MGST2: variants seen among roughly 807,000 people sequenced by gnomAD.
MGST2 encodes the protein glutathione peroxidase MGST2.
Under a neutral mutation model 16.6 loss-of-function variants are expected in MGST2, and 9 were observed. The ratio of observed to expected loss-of-function variants is 0.54; its 90% CI spans 0.33 to 0.95. MGST2 has a LOEUF of 0.95. MGST2 is among the 40% of genes least tolerant of loss of function. The probability of loss-of-function intolerance (pLI) is 0.03; values close to 1 mark genes in which losing one functional copy is unlikely to be tolerated. For synonymous variants in MGST2, 79 were observed against 68.0 expected (o/e 1.16, Z -0.79); for missense variants, 159 against 175.1 (o/e 0.91, Z 0.52).
chr4:139,753,979 A>G, the MGST2 span, among the ~76,000 whole-genome samples: 1 of 151,834 alleles, frequency 6.6e-6, no homozygotes, highest in Non-Finnish European at 1.5e-5. Flanking sequence ...TTAATGAAAA[A>G]CCTCTTTGCC....
At chr4:139,694,591 T>C in intron 2 of MGST2, among the ~76,000 whole-genome samples, 1 of 152,190 alleles carries the variant, frequency 6.6e-6, no homozygotes, top group Non-Finnish European at 1.5e-5. Flanking sequence ...TGTCAGATTT[T>C]CCATCCACGT....
chr4:139,716,673 A>AATT (rs1473645447), intron 5 of MGST2: 1 of 152,642 alleles, frequency 6.6e-6, no homozygotes, highest in Non-Finnish European at 1.5e-5. Flanking sequence ...AACTGCAGTT[A>AATT]ATTAAAACCC....
intron 5 of MGST2, chr4:139,730,184 C>G: frequency 1.7e-6 from 1 of 580,808 alleles, no homozygotes; most frequent in South Asian, 2.1e-5. Flanking sequence ...GCACACAGGC[C>G]TTCAAATTGA....
At chr4:139,698,324 C>T in intron 3 of MGST2, 7 of 1,540,310 alleles carry the variant, frequency 4.5e-6, no homozygotes, top group Admixed American at 1.7e-5. Context: ...TTTTAAAGTC[C>T]TGAGCAATTT....
Position 139,686,447 on chromosome 4 carries a change from GAAACAGCCTCTCAGGTT to G in MGST2, c.158+7809_158+7825del, listed in dbSNP as rs943314388. On this transcript the variant is annotated intron_variant, in intron 2 of 4. Transcript: ENST00000265498. ...TGACTCTCACTTTCCATCATGGCCT[GAAACAGCCTCTCAGGTT>G]AAATTTTTAAAAGAGCCCTGGCTGA... 3.3e-5 allele frequency among the ~76,000 whole-genome samples: 5 copies of G among 152,204 alleles called. 1 individual carries two copies. Among genetic ancestry groups the G allele is most frequent in the Admixed American group, 1.3e-4 (2 of 15,282 alleles).
chr4:139,676,907 A>C (rs554840815), intron 1 of MGST2, among the ~76,000 whole-genome samples: 15 of 152,350 alleles, frequency 9.8e-5, no homozygotes, highest in African/African-American at 3.1e-4. Flanking sequence ...CCATGAATGC[A>C]GCAAGGCCTT....
chr4:139,680,062 A>G (rs1731157733), intron 2 of MGST2, among the ~76,000 whole-genome samples: 1 of 152,170 alleles, frequency 6.6e-6, no homozygotes, highest in African/African-American at 2.4e-5. Context: ...CTGTATTTCT[A>G]AACATTATAC....
At chr4:139,720,980 C>T (rs865859492) in intron 5 of MGST2, among the ~76,000 whole-genome samples, 4 of 152,242 alleles carry the variant, frequency 2.6e-5, no homozygotes, top group African/African-American at 9.6e-5. Context: ...TTTTCGGATC[C>T]ACTCTGTAGA....
intron 2 of MGST2, among the ~76,000 whole-genome samples, chr4:139,690,665 G>A (rs4863674): frequency 2.0e-5 from 3 of 152,188 alleles, no homozygotes; most frequent in African/African-American, 7.2e-5. Flanking sequence ...GCAACTGTTA[G>A]AGCTATGCAA....
At chr4:139,730,914 T>C (rs1013885301) in intron 5 of MGST2, 3 of 563,602 alleles carry the variant, frequency 5.3e-6, no homozygotes, top group Admixed American at 6.0e-5. Context: ...AAGTCCAGTC[T>C]GTTTCGGATG....
At chr4:139,667,442 T>C (rs1213659381) in intron 1 of MGST2, among the ~76,000 whole-genome samples, 1 of 96,994 alleles carries the variant, frequency 1.0e-5, no homozygotes, top group Non-Finnish European at 1.9e-5. Flanking sequence ...TTGCTGCTTG[T>C]GCAGGGGGCT....
At chr4:139,742,347 C>G (rs1729197796), downstream of MGST2, among the ~76,000 whole-genome samples, 1 of 152,124 alleles carries the variant, frequency 6.6e-6, no homozygotes, top group African/African-American at 2.4e-5. Context: ...CAGGGTTTCA[C>G]CGTGTTGGCC....
At chr4:139,681,521 G>A (rs1402313457) in intron 2 of MGST2, among the ~76,000 whole-genome samples, 4 of 152,060 alleles carry the variant, frequency 2.6e-5, no homozygotes, top group Non-Finnish European at 5.9e-5. Context: ...TCTGAAATTT[G>A]AGATATCATA....
chr4:139,691,160 T>G (rs1726554940), intron 2 of MGST2, among the ~76,000 whole-genome samples: 1 of 152,168 alleles, frequency 6.6e-6, no homozygotes, highest in African/African-American at 2.4e-5. Flanking sequence ...GACAGCCTGT[T>G]TTTCCAGTAT....
chr4:139,725,850 C>T lies in MGST2; in HGVS notation c.*49-14362C>T, dbSNP rs1484667335. On this transcript the variant is annotated intron_variant, in intron 5 of 5. Coordinates refer to the MGST2 transcript ENST00000616265. Reference sequence around the variant, plus strand: ...TGCTGCAACTGCTAGAACAACAGAACACAAGAGGGGTGGAGAGGTGAGATA... The same window carrying T: ...TGCTGCAACTGCTAGAACAACAGAATACAAGAGGGGTGGAGAGGTGAGATA... 2.5e-6 allele frequency: 4 copies of T among 1,611,188 alleles called. No homozygotes were observed. In the South Asian group the frequency reaches 4.4e-5, roughly 18 times the overall value.
At chr4:139,731,951 G>A (rs953172395) in intron 5 of MGST2, among the ~76,000 whole-genome samples, 1 of 152,160 alleles carries the variant, frequency 6.6e-6, no homozygotes, top group Admixed American at 6.5e-5. Context: ...CCTAGCAGTG[G>A]CAAGTATGTT....
intron 5 of MGST2, chr4:139,730,265 A>T: frequency 1.4e-6 from 1 of 706,464 alleles, no homozygotes; most frequent in South Asian, 1.8e-5. Context: ...GAAAGGTCTA[A>T]ATTCTTCAGG....
At chr4:139,670,361 C>G (rs1730617791) in intron 1 of MGST2, among the ~76,000 whole-genome samples, 1 of 152,034 alleles carries the variant, frequency 6.6e-6, no homozygotes, top group South Asian at 2.1e-4. Flanking sequence ...AACACAAACC[C>G]AAGAAGCCTT....
chr4:139,694,093 G>C (rs1726776713), intron 2 of MGST2, among the ~76,000 whole-genome samples: 1 of 152,042 alleles, frequency 6.6e-6, no homozygotes, highest in African/African-American at 2.4e-5. Flanking sequence ...CCATGTAGTT[G>C]AGGCATAAGT....
Sources: gnomAD v4.1 joint callset for allele counts (sites outside exome capture counted in the v4.1 genomes callset) on GRCh38, gnomAD v4.1.1 for gene constraint, MANE v1.5 for transcripts, NCBI Gene and HGNC (gene_info 2026-07-23, HGNC 2026-07-21) for gene names.